The following CHIC1 variants were observed in gnomAD, a reference collection of about 807,000 sequenced individuals.
CHIC1 encodes cysteine-rich hydrophobic domain-containing protein 1.
Under a neutral mutation model 18.5 loss-of-function variants are expected in CHIC1, and 7 were observed. The observed-to-expected ratio is 0.38, with a 90% CI of 0.22 to 0.71. The LOEUF (loss-of-function observed/expected upper bound fraction) is 0.71, where lower values mean the gene tolerates loss of function less well. Ranked by LOEUF, CHIC1 falls within the 30% of genes least tolerant of loss-of-function variation. The probability of loss-of-function intolerance (pLI) is 0.49; values close to 1 mark genes in which losing one functional copy is unlikely to be tolerated. For missense variants in CHIC1, 159 were observed against 176.9 expected, an observed-to-expected ratio of 0.90 and a Z score of 0.57; for synonymous variants, 77 against 73.5, an observed-to-expected ratio of 1.05 and a Z score of -0.25.
intron 3 of CHIC1, among the ~76,000 whole-genome samples, chrX:73,592,482 G>A (rs1201829444): frequency 1.8e-5 from 2 of 111,573 alleles, no homozygotes; most frequent in Middle Eastern, 4.6e-3. Flanking sequence ...TTTGTTTTTT[G>A]TCCTGTTTAT....
chrX:73,650,860 C>T (rs1346453882), intron 3 of CHIC1, among the ~76,000 whole-genome samples: 1 of 111,262 alleles, frequency 9.0e-6, no homozygotes, highest in Non-Finnish European at 1.9e-5. Context: ...CATCATCATA[C>T]CCAAACCTGG....
At chrX:73,629,192 A>G (rs1398164123) in intron 3 of CHIC1, among the ~76,000 whole-genome samples, 1 of 109,794 alleles carries the variant, frequency 9.1e-6, no homozygotes, top group East Asian at 2.8e-4. Context: ...TGATGTTCTT[A>G]TATATTTTGG....
chrX:73,590,037 CCT>C (rs2057573950), intron 3 of CHIC1, among the ~76,000 whole-genome samples: 1 of 110,869 alleles, frequency 9.0e-6, no homozygotes, highest in Admixed American at 9.6e-5. Flanking sequence ...TCAAGATTTC[CCT>C]CTTTGTTTTT....
chrX:73,682,268 G>C lies in CHIC1; in HGVS notation c.*1263G>C, dbSNP rs1397009938. The stretch of plus-strand genomic sequence containing the variant: ...TTCAGCACATATGTAACATTTATTT[G>C]GTCCATATTTCTCTATTTTTCTTCA... On this transcript the variant is annotated 3_prime_UTR_variant, in exon 6 of 6. Coordinates refer to ENST00000373502, the MANE Select transcript of CHIC1 (RefSeq NM_001039840.4). The C allele has an allele frequency of 2.7e-5, 3 of 111,531 alleles. No individual in the cohort carries two copies. Among genetic ancestry groups the C allele is most frequent in the Non-Finnish European group, 5.7e-5 (3 of 52,790 alleles). The allele number at this position is 111,531 out of a possible 1,213,427, so 9.2% of individuals were successfully genotyped here.
intron 3 of CHIC1, among the ~76,000 whole-genome samples, chrX:73,629,562 C>A (rs1171827462): frequency 8.9e-6 from 1 of 111,835 alleles, no homozygotes; most frequent in African/African-American, 3.2e-5. Context: ...AAAGATTATC[C>A]TTTTTCCAAT....
intron 3 of CHIC1, among the ~76,000 whole-genome samples, chrX:73,620,980 T>TC (rs2057757457): frequency 8.9e-6 from 1 of 111,872 alleles, no homozygotes; most frequent in Non-Finnish European, 1.9e-5. Flanking sequence ...TGCTTATTTT[T>TC]TCAGGTTTGT....
chrX:73,666,245 C>A (rs1396524767), intron 3 of CHIC1, among the ~76,000 whole-genome samples: 2 of 111,723 alleles, frequency 1.8e-5, no homozygotes, highest in Non-Finnish European at 3.8e-5. Flanking sequence ...TTTAGGAGTA[C>A]ATTGTTCAGT....
At chrX:73,659,469 G>A (rs766886381) in intron 3 of CHIC1, among the ~76,000 whole-genome samples, 1 of 106,137 alleles carries the variant, frequency 9.4e-6, no homozygotes, top group Non-Finnish European at 1.9e-5. Flanking sequence ...GTCCGACCTG[G>A]GACAGGGCAC....
intron 3 of CHIC1, among the ~76,000 whole-genome samples, chrX:73,630,393 C>T (rs1438567982): frequency 2.7e-5 from 3 of 110,619 alleles, no homozygotes; most frequent in Non-Finnish European, 5.7e-5. Context: ...TCATATATGG[C>T]CTTTATTATA....
At chrX:73,583,440 G>A (rs1479784877) in intron 2 of CHIC1, among the ~76,000 whole-genome samples, 1 of 110,760 alleles carries the variant, frequency 9.0e-6, no homozygotes, top group Admixed American at 9.6e-5. Context: ...TTCCTAACCT[G>A]CTAATGCGGT....
At chrX:73,591,243 A>C (rs759385390) in intron 3 of CHIC1, among the ~76,000 whole-genome samples, 3 of 110,476 alleles carry the variant, frequency 2.7e-5, no homozygotes, top group African/African-American at 6.6e-5. Context: ...TTCTTTGAAG[A>C]GGTTTCTGAT....
In CHIC1 at chrX:73,563,326, C is replaced by T. The variant is rs747845503; in HGVS notation, c.42C>T (p.Ile14=). Residue 14 remains isoleucine, a synonymous_variant, in exon 1 of 6, where the codon ATC becomes ATT. Transcript: ENST00000373502. ...LLPNMAEFDT[I]SELEEEEEEE... ...CCAACATGGCGGAGTTCGACACCAT[C>T]TCGGAACTGGAGGAGGAGGAGGAAG... 17 of 1,143,603 alleles carry T rather than the reference C, an allele frequency of 1.5e-5. No homozygotes were observed. Among genetic ancestry groups the T allele is most frequent in the South Asian group, 2.1e-5 (1 of 48,243 alleles). The allele number at this position is 1,143,603 out of a possible 1,213,427, so 94.2% of individuals were successfully genotyped here. A position where few individuals can be genotyped will look rare whatever the true frequency, so the allele number is the denominator to read the frequency against.
chrX:73,623,168 G>T (rs2057768257), intron 3 of CHIC1, among the ~76,000 whole-genome samples: 1 of 111,209 alleles, frequency 9.0e-6, no homozygotes, highest in Non-Finnish European at 1.9e-5. Flanking sequence ...TCTTGATTTG[G>T]GGTGGAGAGT....
intron 3 of CHIC1, among the ~76,000 whole-genome samples, chrX:73,607,196 A>G (rs1185118168): frequency 9.2e-6 from 1 of 108,927 alleles, no homozygotes; most frequent in African/African-American, 3.6e-5. Flanking sequence ...GGACGAATCT[A>G]GAGAGGTAAT....
At chrX:73,597,530 A>G (rs2484258) in intron 3 of CHIC1, among the ~76,000 whole-genome samples, 4,200 of 107,838 alleles carry the variant, frequency 0.039, 239 homozygotes, top group African/African-American at 0.13. Context: ...GGGCTTAGGC[A>G]TTATATCTTA....
rs771850374 is a variant in CHIC1 at position 73,582,582 on chromosome X, T to G, written c.352-1835T>G. ...TAGTATATAGGAAAACTATGGAATA[T>G]TAATAGTTACTTGAGTAAACCCATT... On this transcript the variant is annotated intron_variant, in intron 2 of 5. Coordinates refer to ENST00000373502, the MANE Select transcript of CHIC1 (RefSeq NM_001039840.4). 3.6e-5 allele frequency among the ~76,000 whole-genome samples: 4 copies of G among 110,644 alleles called. No individual in the cohort carries two copies. In the South Asian group the frequency reaches 1.5e-3, roughly 42 times the overall value.
At chrX:73,614,013 C>T (rs2057721130) in intron 3 of CHIC1, among the ~76,000 whole-genome samples, 1 of 111,750 alleles carries the variant, frequency 8.9e-6, no homozygotes, top group African/African-American at 3.3e-5. Flanking sequence ...CTTTTGCTTC[C>T]AGGTGTAGGA....
intron 1 of CHIC1, among the ~76,000 whole-genome samples, chrX:73,574,155 G>A (rs980858602): frequency 4.5e-5 from 5 of 110,302 alleles, no homozygotes; most frequent in South Asian, 3.8e-4. Context: ...GAATTTTATC[G>A]AAAGCTTTTT....
At chrX:73,673,343 T>A (rs1452363882) in intron 3 of CHIC1, among the ~76,000 whole-genome samples, 1 of 111,825 alleles carries the variant, frequency 8.9e-6, no homozygotes, top group Non-Finnish European at 1.9e-5. Context: ...TTGGGCAGTA[T>A]GGCCATTTTC....
Sources: allele counts gnomAD v4.1 joint callset (sites outside exome capture counted in the v4.1 genomes callset), GRCh38; gene constraint gnomAD v4.1.1; transcripts MANE v1.5; gene names NCBI Gene and HGNC (gene_info 2026-07-23, HGNC 2026-07-21).